NUP58: variants seen among roughly 807,000 people sequenced by gnomAD.
NUP58 encodes nucleoporin 58, also known as nucleoporin p58/p45.
In NUP58, 17 loss-of-function variants were observed where a neutral mutation model predicts 70.1. The ratio of observed to expected loss-of-function variants is 0.24; its 90% confidence interval spans 0.17 to 0.36. The LOEUF (loss-of-function observed/expected upper bound fraction) is 0.36. NUP58 is among the 10% of genes least tolerant of loss of function. NUP58 has a pLI of 1.00. For missense variants in NUP58, 644 were observed against 701.5 expected (o/e 0.92, Z 0.93); for synonymous variants, 275 against 257.6 (o/e 1.07, Z -0.65).
rs763278599 is a variant in NUP58 at position 25,340,183 on chromosome 13, T to C, written c.*49T>C. 3 of 1,438,964 alleles carry C rather than the reference T, an allele frequency of 2.1e-6. No individual in the cohort carries two copies. In the African/African-American group the frequency reaches 4.4e-5, roughly 21 times the overall value. The allele number at this position is 1,438,964 out of a possible 1,614,324, so 89.1% of individuals were successfully genotyped here. A position where few individuals can be genotyped will look rare whatever the true frequency, so the allele number is the denominator to read the frequency against. ...ATCCATAGCAGCACCGTTCATTCTATGAGTCTATTTTTCTAATGATGCAGT... is the reference window on the plus strand; with the variant it reads ...ATCCATAGCAGCACCGTTCATTCTACGAGTCTATTTTTCTAATGATGCAGT... On this transcript the variant is annotated 3_prime_UTR_variant, in exon 16 of 16. Coordinates refer to ENST00000381736, the MANE Select transcript of NUP58 (RefSeq NM_014089.4).
intron 6 of NUP58, among the ~76,000 whole-genome samples, chr13:25,317,471 T>A (rs2137760199): frequency 6.6e-6 from 1 of 152,248 alleles, no homozygotes; most frequent in South Asian, 2.1e-4. Context: ...GAGGCAAAGC[T>A]AGGTAGATTA....
chr13:25,336,099 A>G lies in NUP58; in HGVS notation c.1436-837A>G. ...AGGATGACTAATCGTTCTGCTTCTG[A>G]GTACATTTTCCAAAACGTTGGAAAG... On this transcript the variant is annotated intron_variant, in intron 13 of 15. Transcript: ENST00000381736. The G allele has an allele frequency of 5.5e-6, 7 of 1,266,440 alleles. No homozygotes were observed. The South Asian group carries it at 9.7e-5, about 18-fold the overall frequency. The allele number at this position is 1,266,440 out of a possible 1,614,324, so 78.5% of individuals were successfully genotyped here. A position where few individuals can be genotyped will look rare whatever the true frequency, so the allele number is the denominator to read the frequency against.
rs2031593388 is a variant in NUP58 at position 25,331,299 on chromosome 13, A to G, written c.1234-58A>G. 3.3e-6 allele frequency: 5 copies of G among 1,495,108 alleles called. No homozygotes were observed. In the South Asian group the frequency reaches 5.7e-5, roughly 17 times the overall value. The allele number at this position is 1,495,108 out of a possible 1,614,324, so 92.6% of individuals were successfully genotyped here. ...GTAATTTATGGTTATATTCATCCAC[A>G]TATTAACCATAGTCAATGTGAAACT... On this transcript the variant is annotated intron_variant, in intron 12 of 15. Transcript: ENST00000381736.
chr13:25,324,920 T>C (rs2031332917), intron 9 of NUP58, 69 bp from the exon 10 acceptor site: 3 of 1,010,188 alleles, frequency 3.0e-6, no homozygotes, highest in Non-Finnish European at 4.5e-6. Context: ...ATATTTTTTT[T>C]CGTACGGTAT....
At chr13:25,332,433 T>G in intron 13 of NUP58, 11 of 984,438 alleles carry the variant, frequency 1.1e-5, no homozygotes, top group Non-Finnish European at 1.3e-5. Flanking sequence ...CGATATTGAT[T>G]TTTTTATTTT....
intron 11 of NUP58, 24 bp downstream of exon 11, chr13:25,327,058 T>C: frequency 1.5e-6 from 2 of 1,354,714 alleles, no homozygotes; most frequent in Admixed American, 1.9e-5. Context: ...TGTGGTAATT[T>C]TTTTTGAACT....
chr13:25,338,896 T>C, intron 15 of NUP58, 165 bp downstream of exon 15: 1 of 479,218 alleles, frequency 2.1e-6, no homozygotes, highest in Non-Finnish European at 3.7e-6. Context: ...ACTTTATCTC[T>C]CTCATAAACT....
chr13:25,336,953 G>T lies in NUP58; in HGVS notation c.1453G>T (p.Gly485Ter). The change falls in exon 14 of 16, where the codon GGA becomes TGA. Residue 485 changes from glycine (G) to a stop codon, truncating the protein, a stop_gained. Transcript: ENST00000381736. LOFTEE classifies it high-confidence loss of function. ...QPATGPQPSL[G>*]VSFGTPFGSG... Reference sequence around the variant, plus strand: ...TATACCAGGGCCACAGCCATCTCTGGGAGTTAGTTTTGGAACGCCATTCGG... The same window carrying T: ...TATACCAGGGCCACAGCCATCTCTGTGAGTTAGTTTTGGAACGCCATTCGG... The T allele has an allele frequency of 1.2e-6, 2 of 1,600,820 alleles. No individual in the cohort carries two copies. The highest frequency in any genetic ancestry group is 1.7e-6 in the Non-Finnish European group (2 of 1,175,704).
In NUP58 at chr13:25,320,953, G is replaced by A. The variant is rs2031155302; in HGVS notation, c.811G>A (p.Glu271Lys). ...FVKEQKQVQE[E>K]ISRMSSKAML... Reference sequence around the variant, plus strand: ...GAAGGAGCAGAAACAAGTTCAAGAAGAAATTAGTAGAATGTCTTCAAAAGC... The same window carrying A: ...GAAGGAGCAGAAACAAGTTCAAGAAAAAATTAGTAGAATGTCTTCAAAAGC... Residue 271 changes from glutamate to lysine, a missense_variant, in exon 9 of 16, where the codon GAA becomes AAA. Physicochemically the swap from Glu to Lys is moderately conservative, Grantham distance 56 (BLOSUM62 1). Coordinates refer to ENST00000381736, the MANE Select transcript of NUP58 (RefSeq NM_014089.4). 1 of 1,568,632 alleles carries A rather than the reference G, an allele frequency of 6.4e-7. No individual in the cohort carries two copies. Among genetic ancestry groups the A allele is most frequent in the East Asian group, 2.3e-5 (1 of 43,776 alleles).
intron 13 of NUP58, chr13:25,332,269 C>A (rs1054944214): frequency 1.0e-6 from 1 of 985,454 alleles, no homozygotes. Flanking sequence ...TGTTTTATTT[C>A]TTGGTTTAGT....
chr13:25,316,068 C>G (rs748246214), intron 6 of NUP58, among the ~76,000 whole-genome samples: 85 of 152,040 alleles, frequency 5.6e-4, no homozygotes, highest in Non-Finnish European at 1.1e-3. Context: ...TTGGTTATTT[C>G]TTAGGGAAAA....
At chr13:25,343,939 TG>T (rs2032017794), downstream of NUP58, among the ~76,000 whole-genome samples, 1 of 151,850 alleles carries the variant, frequency 6.6e-6, no homozygotes, top group African/African-American at 2.4e-5. Context: ...GGGTTGATTC[TG>T]GAAATAAATT....
In NUP58 at chr13:25,320,464, T is replaced by A; in HGVS notation, c.711-66T>A. ...TGTGTCTTAATACTCTAATACTCTATTAAAACTCAGCTGTCAACTTTTTAA... is the reference window on the plus strand; with the variant it reads ...TGTGTCTTAATACTCTAATACTCTAATAAAACTCAGCTGTCAACTTTTTAA... On this transcript the variant is annotated intron_variant, in intron 7 of 15. Transcript: ENST00000381736. The A allele has an allele frequency of 3.5e-6, 4 of 1,139,550 alleles. No individual in the cohort carries two copies. The South Asian group carries it at 5.1e-5, about 14-fold the overall frequency. The allele number at this position is 1,139,550 out of a possible 1,614,324, so 70.6% of individuals were successfully genotyped here.
intron 3 of NUP58, among the ~76,000 whole-genome samples, chr13:25,311,664 G>A (rs369298738): frequency 1.4e-5 from 2 of 146,328 alleles, no homozygotes; most frequent in Admixed American, 7.0e-5. Flanking sequence ...CGTGAGCCAC[G>A]GCACCTGTCT....
chr13:25,348,153 A>G (rs2032071445), intron 3 of NUP58, among the ~76,000 whole-genome samples: 3 of 152,184 alleles, frequency 2.0e-5, no homozygotes. Context: ...AAATTTAAAA[A>G]CTGACACACC....
chr13:25,303,810 T>C (rs1403962257), intron 1 of NUP58, among the ~76,000 whole-genome samples: 1 of 152,212 alleles, frequency 6.6e-6, no homozygotes, highest in Non-Finnish European at 1.5e-5. Flanking sequence ...CCCACCTCAT[T>C]GTCAGTCCCA....
chr13:25,304,165 A>G (rs1243922573), intron 1 of NUP58, among the ~76,000 whole-genome samples: 1 of 152,068 alleles, frequency 6.6e-6, no homozygotes, highest in Non-Finnish European at 1.5e-5. Context: ...AATCTTAGCT[A>G]TTATGTTAGC....
chr13:25,348,743 G>T (rs187271640), intron 3 of NUP58, among the ~76,000 whole-genome samples: 2 of 152,252 alleles, frequency 1.3e-5, no homozygotes, highest in East Asian at 1.9e-4. Context: ...TATATCAATT[G>T]TTAAAGCATT....
rs559729756 is a variant in NUP58, at chr13:25,313,011, G to A, written c.415G>A (p.Ala139Thr). The change falls in exon 4 of 16, where the codon GCT becomes ACT. Residue 139 changes from alanine (A) to threonine (T), a missense_variant. Around this residue, in one of 4 missense-constraint regions of NUP58, gnomAD observed 430 missense variants for 409.2 expected, o/e 1.05. Coordinates refer to ENST00000381736, the MANE Select transcript of NUP58 (RefSeq NM_014089.4). ...TSASGLTLSS[A>T]LTSTPAASTG... ...AGCTAGCGGTCTGACTCTTTCGTCT[G>A]CTCTGACATCAACTCCAGCAGGTGA... is the stretch of plus-strand genomic sequence containing the variant. The A allele has an allele frequency of 6.2e-7, 1 of 1,613,050 alleles. No individual in the cohort carries two copies. The highest frequency in any genetic ancestry group is 1.3e-5 in the African/African-American group (1 of 74,984).
Sources: allele counts gnomAD v4.1 joint callset (sites outside exome capture counted in the v4.1 genomes callset), GRCh38; gene constraint gnomAD v4.1.1; regional missense constraint gnomAD v4.1.1; transcripts MANE v1.5; gene names NCBI Gene and HGNC (gene_info 2026-07-23, HGNC 2026-07-21).